Variants in KCNC1 observed in about 807,000 individuals in gnomAD.
KCNC1 encodes voltage-gated potassium channel KCNC1.
A neutral mutation model predicts 43.4 loss-of-function variants in KCNC1; 8 were observed. The observed-to-expected ratio is 0.18, with a 90% CI of 0.11 to 0.33. KCNC1 has a LOEUF of 0.33. Ranked by LOEUF, KCNC1 falls within the 10% of genes least tolerant of loss-of-function variation. The pLI, the probability that KCNC1 is intolerant of heterozygous loss-of-function variation, is 1.00. For synonymous variants in KCNC1, 361 were observed against 360.5 expected (o/e 1.00, Z -0.01); for missense variants, 420 against 836.0 (o/e 0.50, Z 6.14).
chr11:17,753,676 G>A (rs1848993127), intron 1 of KCNC1, among the ~76,000 whole-genome samples: 1 of 152,178 alleles, frequency 6.6e-6, no homozygotes, highest in Non-Finnish European at 1.5e-5. Flanking sequence ...TTTAAGCCCA[G>A]GCTGGCTGGG....
At chr11:17,775,281 T>TTCCCACCCCC in intron 2 of KCNC1, 1 of 935,850 alleles carries the variant, frequency 1.1e-6, no homozygotes, top group Non-Finnish European at 1.3e-6. Flanking sequence ...TCTGAGGGCA[T>TTCCCACCCCC]CCCTCCCGCC....
At chr11:17,738,954 A>T (rs1011692211) in intron 1 of KCNC1, among the ~76,000 whole-genome samples, 2 of 152,150 alleles carry the variant, frequency 1.3e-5, no homozygotes, top group African/African-American at 2.4e-5. Flanking sequence ...TGAGGCCCGT[A>T]GGAGGAGGGA....
At chr11:17,755,424 A>T (rs1471641671) in intron 1 of KCNC1, among the ~76,000 whole-genome samples, 1 of 152,072 alleles carries the variant, frequency 6.6e-6, no homozygotes, top group Non-Finnish European at 1.5e-5. Flanking sequence ...GAATGTTGGA[A>T]CCTGGGAGAC....
rs1848772944 is a variant in KCNC1 at position 17,736,787 on chromosome 11, T to C, written c.570+215T>C. 6.6e-6 allele frequency among the ~76,000 whole-genome samples: 1 copy of C among 152,192 alleles called. No homozygotes were observed. Among genetic ancestry groups the C allele is most frequent in the Non-Finnish European group, 1.5e-5 (1 of 68,020 alleles). On this transcript the variant is annotated intron_variant, in intron 1 of 3. Coordinates refer to ENST00000265969, the MANE Select transcript of KCNC1 (RefSeq NM_001112741.2). This position sits in a 1 kb window ranked among gnomAD's most constrained non-coding sequence, Gnocchi z 9.3. ...TCAGTCTGTGTGTTGCCAAGTTTAA[T>C]ATGTATGAGTATGAATGGGTGTGTT...
intron 1 of KCNC1, among the ~76,000 whole-genome samples, chr11:17,748,915 G>A (rs1022748009): frequency 1.3e-5 from 2 of 152,164 alleles, no homozygotes; most frequent in Non-Finnish European, 2.9e-5. Context: ...TCCCATACAC[G>A]GTTCTCTGAG....
chr11:17,747,711 G>A (rs908758458), intron 1 of KCNC1, among the ~76,000 whole-genome samples: 1 of 152,226 alleles, frequency 6.6e-6, no homozygotes, highest in African/African-American at 2.4e-5. Flanking sequence ...GCCTCGCTGG[G>A]TCAGGCTCAG....
intron 1 of KCNC1, among the ~76,000 whole-genome samples, chr11:17,768,052 G>C (rs1475574599): frequency 6.6e-6 from 1 of 152,220 alleles, no homozygotes; most frequent in Non-Finnish European, 1.5e-5. Context: ...TGGGACATCA[G>C]TGCCCTGTCT....
rs141952890 is a variant in KCNC1 at position 17,741,692 on chromosome 11, G to A, written c.570+5120G>A. Among the ~76,000 whole-genome samples the A allele has an allele frequency of 5.0e-3, 756 of 152,312 alleles. 29 individuals are homozygous for A. Among genetic ancestry groups the A allele is most frequent in the Admixed American group, 0.045 (693 of 15,302 alleles). Reference sequence around the variant, plus strand: ...TTCGCCAGCCCGTGGCCCATACTGTGGCCTCTCAGGCCCTGCCTGTCCCTC... The same window carrying A: ...TTCGCCAGCCCGTGGCCCATACTGTAGCCTCTCAGGCCCTGCCTGTCCCTC... On this transcript the variant is annotated intron_variant, in intron 1 of 3. Coordinates refer to ENST00000265969, the MANE Select transcript of KCNC1 (RefSeq NM_001112741.2).
In KCNC1 at chr11:17,736,143, C is replaced by T; in HGVS notation, c.141C>T (p.Asp47=). The change falls in exon 1 of 4, where the codon GAC becomes GAT. Residue 47 remains aspartate, a synonymous_variant. Coordinates refer to ENST00000265969, the MANE Select transcript of KCNC1 (RefSeq NM_001112741.2). This position sits in a 1 kb window ranked among gnomAD's most constrained non-coding sequence, Gnocchi z 9.3. The part of the protein sequence containing the change: ...LAEPDAHSHF[D]YDPRADEFFF... ...AGCCCGACGCCCACAGCCACTTCGACTATGACCCGCGTGCTGACGAGTTCT... is the reference window on the plus strand; with the variant it reads ...AGCCCGACGCCCACAGCCACTTCGATTATGACCCGCGTGCTGACGAGTTCT... 4 of 1,613,272 alleles carry T rather than the reference C, an allele frequency of 2.5e-6. No individual in the cohort carries two copies. The highest frequency in any genetic ancestry group is 3.4e-6 in the Non-Finnish European group (4 of 1,179,708).
At chr11:17,747,200 T>C (rs186286773) in intron 1 of KCNC1, among the ~76,000 whole-genome samples, 1 of 152,240 alleles carries the variant, frequency 6.6e-6, no homozygotes, top group East Asian at 1.9e-4. Context: ...GAGGCAGGCA[T>C]GGATTCTTGC....
intron 1 of KCNC1, among the ~76,000 whole-genome samples, chr11:17,743,279 A>T (rs1247707646): frequency 6.6e-6 from 1 of 152,184 alleles, no homozygotes; most frequent in Non-Finnish European, 1.5e-5. Flanking sequence ...CTGGAGCTCT[A>T]TCTGTAACTA....
Position 17,740,839 on chromosome 11 carries a change from G to T in KCNC1, c.570+4267G>T, listed in dbSNP as rs538516021. 7.2e-5 allele frequency among the ~76,000 whole-genome samples: 11 copies of T among 152,228 alleles called. No homozygotes were observed. The East Asian group carries it at 1.7e-3, about 24-fold the overall frequency. On this transcript the variant is annotated intron_variant, in intron 1 of 3. Coordinates refer to ENST00000265969, the MANE Select transcript of KCNC1 (RefSeq NM_001112741.2). ...CCTCTTTGGAACTCGATAAAAACTGGCCTCCCCTCAGCTCCCAGGGAAGGA... is the reference window on the plus strand; with the variant it reads ...CCTCTTTGGAACTCGATAAAAACTGTCCTCCCCTCAGCTCCCAGGGAAGGA...
At chr11:17,753,851 G>A (rs1393075779) in intron 1 of KCNC1, among the ~76,000 whole-genome samples, 1 of 152,108 alleles carries the variant, frequency 6.6e-6, no homozygotes, top group East Asian at 1.9e-4. Context: ...TTCCAGATTC[G>A]CCACTCCAGT....
intron 2 of KCNC1, chr11:17,775,650 C>T (rs964267280): frequency 2.1e-5 from 21 of 985,532 alleles, no homozygotes; most frequent in South Asian, 4.7e-5. Context: ...ATGCCTCCTC[C>T]GTCCTGCCAT....
chr11:17,774,831 A>G (rs748460552), intron 2 of KCNC1: 2 of 984,598 alleles, frequency 2.0e-6, no homozygotes, highest in Non-Finnish European at 2.4e-6. Flanking sequence ...CCAAGCACTC[A>G]CTTCCCGGTG....
intron 1 of KCNC1, among the ~76,000 whole-genome samples, chr11:17,753,690 G>C (rs1848993238): frequency 6.6e-6 from 1 of 152,216 alleles, no homozygotes; most frequent in Non-Finnish European, 1.5e-5. Flanking sequence ...GGCTGGGCCA[G>C]GCCCCGGCGT....
At chr11:17,747,746 C>T (rs1848916547) in intron 1 of KCNC1, among the ~76,000 whole-genome samples, 1 of 152,202 alleles carries the variant, frequency 6.6e-6, no homozygotes, top group Non-Finnish European at 1.5e-5. Flanking sequence ...TGAGCCATGG[C>T]AGCAAAATGA....
chr11:17,745,705 C>T (rs897532971), intron 1 of KCNC1, among the ~76,000 whole-genome samples: 3 of 152,134 alleles, frequency 2.0e-5, no homozygotes, highest in Non-Finnish European at 4.4e-5. Context: ...TCCTCCCCAG[C>T]GCTGCCCATG....
At chr11:17,754,101 A>G (rs1168772137) in intron 1 of KCNC1, among the ~76,000 whole-genome samples, 2 of 152,166 alleles carry the variant, frequency 1.3e-5, no homozygotes, top group Non-Finnish European at 2.9e-5. Context: ...GATTGTGCCC[A>G]TTGTCAAGGA....
Sources: gnomAD v4.1 joint callset for allele counts (sites outside exome capture counted in the v4.1 genomes callset) on GRCh38, gnomAD v4.1.1 for gene constraint, Gnocchi (gnomAD v3.1) non-coding constraint, MANE v1.5 for transcripts, NCBI Gene and HGNC (gene_info 2026-07-23, HGNC 2026-07-21) for gene names.